Variants in ZC3H6 observed in about 807,000 individuals in gnomAD.
ZC3H6 encodes the protein zinc finger CCCH domain-containing protein 6.
ZC3H6 carries 40 observed loss-of-function variants against 107.7 expected under a neutral mutation model. The observed-to-expected ratio is 0.37, with a 90% CI of 0.29 to 0.48. The LOEUF is 0.48. ZC3H6 is among the 20% of genes least tolerant of loss of function. The pLI is 0.98. For missense variants in ZC3H6, 1,267 were observed against 1,410.4 expected (o/e 0.90, Z 1.63); for synonymous variants, 493 against 487.9 (o/e 1.01, Z -0.14).
At chr2:112,293,832 G>A (rs536158434) in intron 1 of ZC3H6, among the ~76,000 whole-genome samples, 1 of 152,328 alleles carries the variant, frequency 6.6e-6, no homozygotes, top group Admixed American at 6.5e-5. Flanking sequence ...TTAGAGAAAT[G>A]CATGATCAGC....
intron 7 of ZC3H6, among the ~76,000 whole-genome samples, chr2:112,319,314 A>G (rs778918853): frequency 1.3e-5 from 2 of 152,046 alleles, no homozygotes; most frequent in Non-Finnish European, 2.9e-5. Context: ...AGCCTGGGTA[A>G]CATAGTGAGA....
rs1199527922 is a variant in ZC3H6, at chr2:112,336,867, C to T, written c.*4379C>T. The stretch of plus-strand genomic sequence containing the variant: ...TATTTTATGCTTTTGGAGACAGGAC[C>T]CACATGTATCTCCTTATTTTTATAC... On this transcript the variant is annotated 3_prime_UTR_variant, in exon 12 of 12. Coordinates refer to ENST00000409871, the MANE Select transcript of ZC3H6 (RefSeq NM_198581.3). 6.6e-6 allele frequency: 1 copy of T among 152,020 alleles called. No individual in the cohort carries two copies. The highest frequency in any genetic ancestry group is 1.5e-5 in the Non-Finnish European group (1 of 68,004). 9.4% of individuals were successfully genotyped at this position (152,020 alleles called of 1,614,324 possible).
Position 112,332,391 on chromosome 2 carries a change from G to T in ZC3H6, c.3473G>T (p.Ser1158Ile), listed in dbSNP as rs778576569. 6.2e-7 allele frequency: 1 copy of T among 1,613,598 alleles called. No homozygotes were observed. The highest frequency in any genetic ancestry group is 1.3e-5 in the African/African-American group (1 of 74,928). ...CAGGCAAGGCAGCCAGGACAGGGGA[G>T]CCCGACCCCAGATAATGATCCCGGT... ...PRQARQPGQG[S>I]PTPDNDPGRE... The change falls in exon 12 of 12, where the codon AGC becomes ATC. Residue 1158 changes from serine to isoleucine, a missense_variant. By Grantham distance (142) the Ser-to-Ile change is moderately radical. Transcript: ENST00000409871.
At chr2:112,318,597 G>A (rs1009010170) in intron 7 of ZC3H6, among the ~76,000 whole-genome samples, 3 of 152,116 alleles carry the variant, frequency 2.0e-5, no homozygotes, top group Admixed American at 2.0e-4. Context: ...GCTGTGTCAC[G>A]TTTGCAAAAA....
chr2:112,303,162 A>G (rs956688774), intron 2 of ZC3H6, 67 bp from the exon 3 acceptor site: 1 of 1,550,148 alleles, frequency 6.5e-7, no homozygotes, highest in Non-Finnish European at 8.7e-7. Context: ...AAACAAGCTT[A>G]TCTAATTACT....
chr2:112,284,623 G>C (rs1191560243), intron 1 of ZC3H6, among the ~76,000 whole-genome samples: 1 of 151,428 alleles, frequency 6.6e-6, no homozygotes, highest in African/African-American at 2.4e-5. Flanking sequence ...ACTAAATTGA[G>C]GGTCACTTTC....
chr2:112,309,751 GATC>G, intron 3 of ZC3H6, 131 bp from the exon 4 acceptor site: 1 of 797,296 alleles, frequency 1.3e-6, no homozygotes, highest in Non-Finnish European at 1.9e-6. Flanking sequence ...GATAAGTACT[GATC>G]AAGAGTCAGA....
intron 1 of ZC3H6, among the ~76,000 whole-genome samples, chr2:112,284,418 G>A (rs925906258): frequency 1.3e-5 from 2 of 151,100 alleles, no homozygotes; most frequent in Non-Finnish European, 1.5e-5. Context: ...AGCAGAAGTC[G>A]GTATCATCAT....
At chr2:112,283,962 T>C (rs1262325872) in intron 1 of ZC3H6, among the ~76,000 whole-genome samples, 1 of 152,270 alleles carries the variant, frequency 6.6e-6, no homozygotes, top group African/African-American at 2.4e-5. Context: ...TAAGAGACTA[T>C]GAAGTCAAGT....
In ZC3H6 at chr2:112,280,264, C is replaced by T. The variant is rs572033847; in HGVS notation, c.32+4238C>T. ...ACTTTCCTGACTAGCCATTAACTTA[C>T]TTCTGATTCCTGAATCCACTAATTT... is the stretch of plus-strand genomic sequence containing the variant. On this transcript the variant is annotated intron_variant, in intron 1 of 11. Coordinates refer to ENST00000409871, the MANE Select transcript of ZC3H6 (RefSeq NM_198581.3). 1.5e-3 allele frequency among the ~76,000 whole-genome samples: 233 copies of T among 152,176 alleles called. 7 individuals are homozygous for T. The highest frequency in any genetic ancestry group is 1.7e-3 in the Non-Finnish European group (119 of 68,022).
In ZC3H6 at chr2:112,331,600, A is replaced by C. The variant is rs201512805; in HGVS notation, c.2682A>C (p.Pro894=). ...CAGTACCTTTACCTAAACCTGATCC[A>C]GTGTCTTCAATCAATTTACCTCTGC... is the stretch of plus-strand genomic sequence containing the variant. ...LLPVPLPKPD[P]VSSINLPLPP... is the part of the protein sequence containing the mutation. Residue 894 remains proline (P), a synonymous_variant, in exon 12 of 12, where the codon CCA becomes CCC. Transcript: ENST00000409871. 41 of 1,613,842 alleles carry C rather than the reference A, an allele frequency of 2.5e-5. No individual in the cohort carries two copies. The highest frequency in any genetic ancestry group is 1.3e-5 in the African/African-American group (1 of 74,920).
At chr2:112,325,764 GAT>G (rs1302476273) in intron 11 of ZC3H6, among the ~76,000 whole-genome samples, 1 of 151,824 alleles carries the variant, frequency 6.6e-6, no homozygotes, top group African/African-American at 2.4e-5. Flanking sequence ...AGTTATTAGA[GAT>G]ATTTTTATGT....
chr2:112,322,086 TTCTC>T (rs1351950388), intron 8 of ZC3H6, among the ~76,000 whole-genome samples: 1 of 151,512 alleles, frequency 6.6e-6, no homozygotes, highest in African/African-American at 2.4e-5. Flanking sequence ...TTTTTTTTCT[TTCTC>T]TCCCCCTTCC....
intron 4 of ZC3H6, among the ~76,000 whole-genome samples, 195 bp downstream of exon 4, chr2:112,310,356 TCA>T (rs1676571784): frequency 6.6e-6 from 1 of 152,224 alleles, no homozygotes; most frequent in Admixed American, 6.5e-5. Flanking sequence ...CATGAATATT[TCA>T]GTTGGAAAGA....
At position 112,321,916 on chromosome 2, in the gene ZC3H6, C is replaced by T. The variant is rs1676808163; in HGVS notation, c.1086+51C>T. ...TATGTCTCTCCACAAATACATTTGA[C>T]TTGAATCATATTTTATAAGTGATAT... On this transcript the variant is annotated intron_variant, in intron 8 of 11. Transcript: ENST00000409871. 3 of 812,366 alleles carry T rather than the reference C, an allele frequency of 3.7e-6. No homozygotes were observed. The South Asian group carries it at 5.9e-5, about 16-fold the overall frequency. The allele number at this position is 812,366 out of a possible 1,614,324, so 50.3% of individuals were successfully genotyped here. A position where few individuals can be genotyped will look rare whatever the true frequency, so the allele number is the denominator to read the frequency against.
chr2:112,311,970 GC>G, intron 5 of ZC3H6, 33 bp downstream of exon 5: 1 of 1,524,080 alleles, frequency 6.6e-7, no homozygotes, highest in Non-Finnish European at 8.8e-7. Context: ...GAGGGGAGGA[GC>G]TTTTTCATCT....
At position 112,332,212 on chromosome 2, in the gene ZC3H6, A is replaced by G. The variant is rs1183806808; in HGVS notation, c.3294A>G (p.Lys1098=). 6.2e-7 allele frequency: 1 copy of G among 1,613,890 alleles called. No individual in the cohort carries two copies. Among genetic ancestry groups the G allele is most frequent in the Admixed American group, 1.7e-5 (1 of 60,000 alleles). Residue 1098 remains lysine, a synonymous_variant, in exon 12 of 12, where the codon AAA becomes AAG. Coordinates refer to ENST00000409871, the MANE Select transcript of ZC3H6 (RefSeq NM_198581.3). ...PSPGEAILPQ[K]PSPNVGVTLE... is the part of the protein sequence containing the mutation. ...CTGGAGAAGCCATCCTTCCACAAAA[A>G]CCCAGTCCAAACGTGGGAGTCACTC...
chr2:112,298,359 G>C (rs1676284238), intron 1 of ZC3H6, among the ~76,000 whole-genome samples: 1 of 152,110 alleles, frequency 6.6e-6, no homozygotes, highest in Non-Finnish European at 1.5e-5. Context: ...ATCAAAGAAA[G>C]TAAAATTTTA....
intron 11 of ZC3H6, among the ~76,000 whole-genome samples, chr2:112,330,027 A>T (rs1204389936): frequency 1.3e-5 from 2 of 152,040 alleles, no homozygotes; most frequent in African/African-American, 4.8e-5. Context: ...AAGTGTTCTC[A>T]TAAAGTATGT....
Sources: gnomAD v4.1 joint callset for allele counts (sites outside exome capture counted in the v4.1 genomes callset) on GRCh38, gnomAD v4.1.1 for gene constraint, MANE v1.5 for transcripts, NCBI Gene and HGNC (gene_info 2026-07-23, HGNC 2026-07-21) for gene names.